Variants in MYO16 observed in about 807,000 individuals in gnomAD.
MYO16 encodes unconventional myosin-XVI.
In MYO16, 94 loss-of-function variants were observed where a neutral mutation model predicts 205.3. That is an observed-to-expected ratio of 0.46 (90% confidence interval 0.39 to 0.54). The LOEUF (loss-of-function observed/expected upper bound fraction) is 0.54. Among genes scored for constraint, MYO16 ranks in the 20% least tolerant of loss-of-function variants. The pLI is 0.00. For synonymous variants in MYO16, 988 were observed against 954.0 expected (o/e 1.04, Z -0.66); for missense variants, 2,315 against 2,387.5 (o/e 0.97, Z 0.63).
intron 4 of MYO16, among the ~76,000 whole-genome samples, chr13:108,781,257 C>A (rs1481417221): frequency 6.6e-6 from 1 of 152,174 alleles, no homozygotes; most frequent in Non-Finnish European, 1.5e-5. Flanking sequence ...GCAGTTCTGT[C>A]TGTTGTTAAT....
chr13:108,543,974 A>G, the MYO16 span, among the ~76,000 whole-genome samples: 1 of 150,124 alleles, frequency 6.7e-6, no homozygotes, highest in Non-Finnish European at 1.5e-5. Context: ...CTGAGGCAGA[A>G]GAATCGCTTG....
rs182346613 is a variant in MYO16, at chr13:108,878,943, G to C, written c.1426-4116G>C. Among the ~76,000 whole-genome samples, 396 of 152,336 alleles carry C rather than the reference G, an allele frequency of 2.6e-3. 2 individuals are homozygous for C. Among genetic ancestry groups the C allele is most frequent in the African/African-American group, 8.5e-3 (353 of 41,576 alleles). On this transcript the variant is annotated intron_variant, in intron 12 of 34. Transcript: ENST00000457511. ...CTGAATTATCTAGTCTGTTTCAAGT[G>C]ATCTGTGATCCATTTATCTAGTCTT...
intron 20 of MYO16, among the ~76,000 whole-genome samples, chr13:108,989,419 C>G (rs921743181): frequency 1.3e-5 from 2 of 152,100 alleles, no homozygotes; most frequent in African/African-American, 4.8e-5. Flanking sequence ...AAAGCAATAT[C>G]TCCATTTCCT....
chr13:108,507,491 A>G, the MYO16 span, among the ~76,000 whole-genome samples: 2 of 151,810 alleles, frequency 1.3e-5, no homozygotes, highest in African/African-American at 4.8e-5. Flanking sequence ...ACCACTGATA[A>G]TCTTATGGGA....
At chr13:108,765,969 A>G (rs905371059) in intron 4 of MYO16, among the ~76,000 whole-genome samples, 7 of 152,194 alleles carry the variant, frequency 4.6e-5, no homozygotes, top group African/African-American at 1.4e-4. Context: ...TTACATTTTT[A>G]TGACCATAAA....
chr13:108,552,489 C>T, the MYO16 span, among the ~76,000 whole-genome samples: 2 of 152,298 alleles, frequency 1.3e-5, no homozygotes, highest in African/African-American at 2.4e-5. Context: ...CCTGTTTACA[C>T]ATCATCCATA....
intron 4 of MYO16, among the ~76,000 whole-genome samples, chr13:108,770,848 A>G (rs1566596587): frequency 6.6e-6 from 1 of 152,170 alleles, no homozygotes; most frequent in Non-Finnish European, 1.5e-5. Flanking sequence ...CCCTACCTAG[A>G]CAACAAGTCT....
At chr13:108,649,000 T>A (rs7328617) in intron 1 of MYO16, among the ~76,000 whole-genome samples, 27,233 of 145,502 alleles carry the variant, frequency 0.19, 3,774 homozygotes, top group African/African-American at 0.39. Context: ...GGCTGATATT[T>A]AAACAACAGA....
At chr13:108,516,243 G>A in the MYO16 span, among the ~76,000 whole-genome samples, 2 of 151,622 alleles carry the variant, frequency 1.3e-5, no homozygotes, top group African/African-American at 4.9e-5. Flanking sequence ...GATTTTCCAG[G>A]CGCGTCCGTC....
At chr13:108,765,277 A>C (rs1485692592) in intron 4 of MYO16, among the ~76,000 whole-genome samples, 1 of 151,538 alleles carries the variant, frequency 6.6e-6, no homozygotes, top group African/African-American at 2.4e-5. Context: ...TTAATTAATA[A>C]TTTTTCACTA....
the MYO16 span, among the ~76,000 whole-genome samples, chr13:108,533,878 C>T: frequency 6.6e-6 from 1 of 151,926 alleles, no homozygotes; most frequent in Non-Finnish European, 1.5e-5. Flanking sequence ...TATATAGCAC[C>T]CTGCAAATGG....
chr13:108,849,623 G>T (rs1189985294), intron 10 of MYO16, among the ~76,000 whole-genome samples: 49 of 12,214 alleles, frequency 4.0e-3, no homozygotes, highest in South Asian at 9.9e-3. Flanking sequence ...CCTCTTTTGT[G>T]TGTGTGTGTG....
At chr13:109,111,907 C>G (rs1351234198) in intron 28 of MYO16, among the ~76,000 whole-genome samples, 2 of 152,106 alleles carry the variant, frequency 1.3e-5, no homozygotes, top group Non-Finnish European at 2.9e-5. Context: ...AGGATGGTCT[C>G]AATCTCCTGA....
At chr13:108,500,710 A>T in the MYO16 span, among the ~76,000 whole-genome samples, 1 of 152,196 alleles carries the variant, frequency 6.6e-6, no homozygotes, top group Non-Finnish European at 1.5e-5. Flanking sequence ...ATGCCCTGCC[A>T]GGGCTAAGGG....
At chr13:108,597,406 C>T (rs1280359908) in intron 1 of MYO16, among the ~76,000 whole-genome samples, 1 of 152,170 alleles carries the variant, frequency 6.6e-6, no homozygotes, top group East Asian at 1.9e-4. Context: ...AATAATATGT[C>T]AAGTCTGAAA....
chr13:109,072,626 G>A (rs1331300483), intron 27 of MYO16, among the ~76,000 whole-genome samples: 1 of 151,234 alleles, frequency 6.6e-6, no homozygotes, highest in East Asian at 1.9e-4. Context: ...CACAACCCAA[G>A]CATTCTTCAG....
At chr13:108,782,966 T>G (rs1328654137) in intron 4 of MYO16, among the ~76,000 whole-genome samples, 1 of 152,142 alleles carries the variant, frequency 6.6e-6, no homozygotes, top group Non-Finnish European at 1.5e-5. Context: ...ATGGAGAACC[T>G]CTACAGCAGT....
intron 33 of MYO16, among the ~76,000 whole-genome samples, chr13:109,179,225 T>A (rs1402347257): frequency 6.6e-6 from 1 of 152,184 alleles, no homozygotes; most frequent in African/African-American, 2.4e-5. Flanking sequence ...GTATGCTTCT[T>A]CAAACCTTTT....
the MYO16 span, among the ~76,000 whole-genome samples, chr13:108,509,086 T>C: frequency 2.0e-5 from 3 of 152,308 alleles, 1 homozygote; most frequent in South Asian, 6.2e-4. Flanking sequence ...AATAAACCAG[T>C]GTTAGCCTTA....
Sources: allele counts gnomAD v4.1 joint callset (sites outside exome capture counted in the v4.1 genomes callset), GRCh38; gene constraint gnomAD v4.1.1; transcripts MANE v1.5; gene names NCBI Gene and HGNC (gene_info 2026-07-23, HGNC 2026-07-21).